Variants in PHF20 observed in about 807,000 individuals in gnomAD.
PHF20 encodes the protein PHD finger protein 20, also known as glioma-expressed antigen 2.
A neutral mutation model predicts 113.5 loss-of-function variants in PHF20; 23 were observed. The ratio of observed to expected loss-of-function variants is 0.20; its 90% CI spans 0.15 to 0.29. The LOEUF is 0.29. Ranked by LOEUF, PHF20 falls within the 10% of genes least tolerant of loss-of-function variation. PHF20 has a pLI of 1.00. For missense variants in PHF20, 943 were observed against 1,219.6 expected (o/e 0.77, Z 3.38); for synonymous variants, 434 against 457.3 (o/e 0.95, Z 0.65).
At chr20:35,850,105 C>CTTCA (rs1481544048) in intron 4 of PHF20, among the ~76,000 whole-genome samples, 1 of 152,126 alleles carries the variant, frequency 6.6e-6, no homozygotes, top group Non-Finnish European at 1.5e-5. Flanking sequence ...TGGAGTGGTT[C>CTTCA]TTCAGCAGTG....
At chr20:35,869,122 A>T (rs1600850452) in intron 6 of PHF20, among the ~76,000 whole-genome samples, 1 of 151,906 alleles carries the variant, frequency 6.6e-6, no homozygotes, top group Non-Finnish European at 1.5e-5. Flanking sequence ...TCTCTTGGAC[A>T]TTTTTCTTGT....
At chr20:35,802,861 C>T (rs1478774488) in intron 2 of PHF20, among the ~76,000 whole-genome samples, 1 of 150,574 alleles carries the variant, frequency 6.6e-6, no homozygotes, top group African/African-American at 2.4e-5. Context: ...ATTGCTTGAA[C>T]CCGGGAGGTG....
At chr20:35,924,192 C>CTTT (rs767943006) in intron 13 of PHF20, among the ~76,000 whole-genome samples, 4 of 129,904 alleles carry the variant, frequency 3.1e-5, no homozygotes, top group Non-Finnish European at 6.6e-5. Flanking sequence ...CTTTTCTTTT[C>CTTT]TTTTTTTTTT....
intron 4 of PHF20, among the ~76,000 whole-genome samples, chr20:35,848,965 G>A (rs1190393067): frequency 1.3e-5 from 2 of 151,952 alleles, no homozygotes; most frequent in African/African-American, 4.8e-5. Flanking sequence ...CATTTGCAAC[G>A]CTAATATCTT....
chr20:35,896,325 A>G (rs1160493837), intron 9 of PHF20, among the ~76,000 whole-genome samples: 2 of 152,120 alleles, frequency 1.3e-5, no homozygotes, highest in East Asian at 3.8e-4. Flanking sequence ...TGTGTTTACG[A>G]AAAATCTGAT....
At chr20:35,867,591 T>C (rs2054341057) in intron 6 of PHF20, among the ~76,000 whole-genome samples, 1 of 152,150 alleles carries the variant, frequency 6.6e-6, no homozygotes, top group African/African-American at 2.4e-5. Flanking sequence ...TTGGAATGTG[T>C]GGGATTTCCA....
At chr20:35,873,472 T>G (rs867474006) in intron 9 of PHF20, among the ~76,000 whole-genome samples, 8,603 of 146,774 alleles carry the variant, frequency 0.059, 370 homozygotes, top group African/African-American at 0.12. Context: ...TTTTGTTTTT[T>G]TTTTTTTTTT....
intron 2 of PHF20, among the ~76,000 whole-genome samples, chr20:35,827,784 G>GAAA (rs568505287): frequency 2.8e-5 from 2 of 70,804 alleles, no homozygotes; most frequent in Admixed American, 1.7e-4. Context: ...CTCCATCTCA[G>GAAA]AAAAAAAAAA....
chr20:35,842,552 ATT>A lies in PHF20; in HGVS notation c.84-11_84-10del. 7 of 1,240,362 alleles carry A rather than the reference ATT, an allele frequency of 5.6e-6. No homozygotes were observed. Among genetic ancestry groups the A allele is most frequent in the African/African-American group, 1.5e-5 (1 of 65,524 alleles). 76.8% of individuals were successfully genotyped at this position (1,240,362 alleles called of 1,614,324 possible). ...TGGGGTGGGTATTAAAGGAATGCCAATTTTTTTTTTTCTGACTCAGGTATCCA... is the reference window on the plus strand; with the variant it reads ...TGGGGTGGGTATTAAAGGAATGCCAATTTTTTTTTCTGACTCAGGTATCCA... On this transcript the variant is annotated intron_variant, in intron 2 of 17. Coordinates refer to ENST00000374012, the MANE Select transcript of PHF20 (RefSeq NM_016436.5).
intron 9 of PHF20, 47 bp from the exon 10 acceptor site, chr20:35,899,323 C>A: frequency 6.7e-7 from 1 of 1,498,616 alleles, no homozygotes; most frequent in Admixed American, 1.9e-5. Flanking sequence ...TTTGTAATAA[C>A]TGGGATAAAT....
chr20:35,857,562 C>CTTTTTTTTTTTTTTTTTTTTT (rs56655276), intron 4 of PHF20, among the ~76,000 whole-genome samples: 9 of 99,678 alleles, frequency 9.0e-5, no homozygotes, highest in African/African-American at 1.1e-4. Context: ...AATGATGTTC[C>CTTTTTTTTTTTTTTTTTTTTT]TTTTTTTTTT....
At chr20:35,940,833 T>G in intron 16 of PHF20, 31 bp from the exon 17 acceptor site, 2 of 1,585,238 alleles carry the variant, frequency 1.3e-6, no homozygotes, top group African/African-American at 2.7e-5. Context: ...GCTATCTCCA[T>G]TCAGTAATTT....
chr20:35,796,853 C>T (rs1476051342), intron 1 of PHF20, among the ~76,000 whole-genome samples: 1 of 152,176 alleles, frequency 6.6e-6, no homozygotes, highest in Non-Finnish European at 1.5e-5. Context: ...TTGAAATTGG[C>T]TAGCACCTCT....
At chr20:35,801,750 T>C in intron 2 of PHF20, 145 bp downstream of exon 2, 1 of 588,870 alleles carries the variant, frequency 1.7e-6, no homozygotes, top group Non-Finnish European at 3.1e-6. Context: ...TCTTTTCTCT[T>C]TGATGCAGGG....
intron 1 of PHF20, among the ~76,000 whole-genome samples, chr20:35,786,043 A>C (rs899882499): frequency 1.7e-4 from 25 of 150,538 alleles, no homozygotes; most frequent in East Asian, 7.8e-4. Context: ...AAAAAAAAAA[A>C]AACAAAAAAA....
At chr20:35,878,227 A>T (rs1468926425) in intron 9 of PHF20, among the ~76,000 whole-genome samples, 1 of 152,160 alleles carries the variant, frequency 6.6e-6, no homozygotes, top group African/African-American at 2.4e-5. Flanking sequence ...GATGAATGCG[A>T]CATCTGTTCT....
rs759370751 is a variant in PHF20 at position 35,842,635 on chromosome 20, G to A, written c.146G>A (p.Arg49His). The A allele has an allele frequency of 1.7e-5, 27 of 1,613,854 alleles. No individual in the cohort carries two copies. The highest frequency in any genetic ancestry group is 2.7e-5 in the African/African-American group (2 of 74,890). ...GGAAAAGTACTCATCCATTTCAAGC[G>A]TTGGAACCATCGTTATGATGAGTGG... ...EEGKVLIHFK[R>H]WNHRYDEWFC... Residue 49 changes from arginine (R) to histidine (H), a missense_variant, in exon 3 of 18, where the codon CGT becomes CAT. Arg to His is a conservative substitution (Grantham distance 29, BLOSUM62 0). Transcript: ENST00000374012.
Position 35,899,391 on chromosome 20 carries a change from C to T in PHF20, c.1304C>T (p.Thr435Ile). The T allele has an allele frequency of 6.2e-7, 1 of 1,605,988 alleles. No homozygotes were observed. The highest frequency in any genetic ancestry group is 8.5e-7 in the Non-Finnish European group (1 of 1,175,084). ...TVEVTNTFKK[T>I]DDFGSSNAPA... ...TCAGTAACAAATACTTTTAAGAAAA[C>T]AGATGATTTTGGGTCATCTAATGCA... Residue 435 changes from threonine (T) to isoleucine (I), a missense_variant, in exon 10 of 18, where the codon ACA (threonine) becomes ATA (isoleucine). Coordinates refer to ENST00000374012, the MANE Select transcript of PHF20 (RefSeq NM_016436.5).
intron 9 of PHF20, among the ~76,000 whole-genome samples, chr20:35,874,809 A>G (rs544790617): frequency 4.6e-5 from 7 of 151,806 alleles, no homozygotes; most frequent in African/African-American, 1.7e-4. Flanking sequence ...AATGTAGTAG[A>G]GCAGCTGTTT....
Sources: gnomAD v4.1 joint callset for allele counts (sites outside exome capture counted in the v4.1 genomes callset) on GRCh38, gnomAD v4.1.1 for gene constraint, MANE v1.5 for transcripts, NCBI Gene and HGNC (gene_info 2026-07-23, HGNC 2026-07-21) for gene names.